Variants in NBEAL1 observed in about 807,000 individuals in gnomAD.
NBEAL1 encodes the protein neurobeachin like 1.
In NBEAL1, 273 loss-of-function variants were observed where a neutral mutation model predicts 351.3. That is an observed-to-expected ratio of 0.78 (90% confidence interval 0.70 to 0.86). NBEAL1 has a LOEUF of 0.86. Ranked by LOEUF, NBEAL1 falls within the 40% of genes least tolerant of loss-of-function variation. NBEAL1 has a pLI of 0.00. For synonymous variants in NBEAL1, 1,050 were observed against 1,086.4 expected (o/e 0.97, Z 0.66); for missense variants, 2,961 against 3,201.3 (o/e 0.92, Z 1.81).
intron 36 of NBEAL1, among the ~76,000 whole-genome samples, chr2:203,159,722 A>G (rs181417847): frequency 3.9e-5 from 6 of 152,264 alleles, no homozygotes; most frequent in East Asian, 3.9e-4. Flanking sequence ...TTGTGCAAAC[A>G]TAAGTTTTTT....
chr2:203,103,432 T>G (rs1182962967), intron 12 of NBEAL1, among the ~76,000 whole-genome samples: 3 of 151,970 alleles, frequency 2.0e-5, no homozygotes, highest in Admixed American at 6.6e-5. Context: ...CCACCATGCT[T>G]GGCTAATTTT....
chr2:203,043,632 G>A (rs1347527742), intron 3 of NBEAL1, among the ~76,000 whole-genome samples: 1 of 151,944 alleles, frequency 6.6e-6, no homozygotes, highest in African/African-American at 2.4e-5. Flanking sequence ...GGGAGGCGGA[G>A]GTGGGAGGAT....
intron 25 of NBEAL1, among the ~76,000 whole-genome samples, chr2:203,131,052 A>T (rs1575015465): frequency 1.3e-5 from 2 of 152,218 alleles, no homozygotes; most frequent in African/African-American, 4.8e-5. Flanking sequence ...ACTGACACAC[A>T]TTTGTTCTTG....
intron 14 of NBEAL1, among the ~76,000 whole-genome samples, chr2:203,109,464 A>G (rs2062512734): frequency 6.6e-6 from 1 of 152,212 alleles, no homozygotes. Flanking sequence ...GAAGGAACAG[A>G]AGACCTATGT....
At chr2:203,094,909 G>A (rs1279151438) in intron 10 of NBEAL1, among the ~76,000 whole-genome samples, 2 of 152,124 alleles carry the variant, frequency 1.3e-5, no homozygotes, top group African/African-American at 2.4e-5. Flanking sequence ...ATCATCTGAG[G>A]TCGGGAGTTC....
intron 7 of NBEAL1, among the ~76,000 whole-genome samples, chr2:203,074,224 T>G (rs1411278365): frequency 6.6e-6 from 1 of 152,100 alleles, no homozygotes; most frequent in African/African-American, 2.4e-5. Flanking sequence ...TTTGTATTTG[T>G]CAATTAAAAA....
At position 203,135,774 on chromosome 2, in the gene NBEAL1, A is replaced by T; in HGVS notation, c.3911A>T (p.Lys1304Ile). 6.2e-7 allele frequency: 1 copy of T among 1,607,180 alleles called. No homozygotes were observed. Among genetic ancestry groups the T allele is most frequent in the Non-Finnish European group, 8.5e-7 (1 of 1,176,394 alleles). Residue 1304 changes from lysine to isoleucine, a missense_variant, in exon 28 of 56, where the codon AAA (lysine) becomes ATA (isoleucine). Physicochemically the swap from Lys to Ile is moderately radical, Grantham distance 102. Coordinates refer to ENST00000683969, the MANE Select transcript of NBEAL1 (RefSeq NM_001378026.1). ...DTLVRLFLKA[K>I]FENGNTLHKH... Reference sequence around the variant, plus strand: ...TTAGTTAGGCTTTTTTTAAAAGCAAAATTTGAAAACGGAAATACTCTTCAT... The same window carrying T: ...TTAGTTAGGCTTTTTTTAAAAGCAATATTTGAAAACGGAAATACTCTTCAT...
intron 31 of NBEAL1, among the ~76,000 whole-genome samples, chr2:203,141,360 ATTATTATTTTTTTT>A (rs1272058118): frequency 4.4e-4 from 6 of 13,632 alleles, no homozygotes; most frequent in Non-Finnish European, 1.1e-3. Context: ...TATTATTATT[ATTATTATTTTTTTT>A]TTTTTTTTTT....
chr2:203,068,385 A>T lies in NBEAL1; in HGVS notation c.516-8A>T. The T allele has an allele frequency of 6.8e-7, 1 of 1,472,818 alleles. No homozygotes were observed. The highest frequency in any genetic ancestry group is 9.1e-7 in the Non-Finnish European group (1 of 1,094,846). 91.2% of individuals were successfully genotyped at this position (1,472,818 alleles called of 1,614,324 possible). A position where few individuals can be genotyped will look rare whatever the true frequency, so the allele number is the denominator to read the frequency against. ...TGTAACTTATTATTAACTTCTTTTT[A>T]ATGATAGACGAATCCTTAGTACTGT... is the stretch of plus-strand genomic sequence containing the variant. On this transcript the variant is annotated splice_polypyrimidine_tract_variant and splice_region_variant and intron_variant, in intron 6 of 55. Coordinates refer to ENST00000683969, the MANE Select transcript of NBEAL1 (RefSeq NM_001378026.1).
chr2:203,183,197 A>G, intron 43 of NBEAL1, 82 bp from the exon 44 acceptor site: 1 of 683,240 alleles, frequency 1.5e-6, no homozygotes, highest in South Asian at 2.3e-5. Context: ...TTTGCTTAGG[A>G]ATGTGCCCTC....
At chr2:203,130,007 C>G (rs2063037298) in intron 24 of NBEAL1, among the ~76,000 whole-genome samples, 1 of 152,008 alleles carries the variant, frequency 6.6e-6, no homozygotes, top group African/African-American at 2.4e-5. Context: ...ACCAGAAATA[C>G]AGAAAATCAG....
At position 203,056,463 on chromosome 2, in the gene NBEAL1, G is replaced by A. The variant is rs959168968; in HGVS notation, c.342G>A (p.Ser114=). ...LSNVEEIGTC[S]YINYVITMTT... The stretch of plus-strand genomic sequence containing the variant: ...ATGTGGAAGAAATTGGGACTTGCTC[G>A]TACATTAATTATGTCATCACCATGA... The change falls in exon 5 of 56, where the codon TCG becomes TCA. Residue 114 remains serine, a synonymous_variant. Transcript: ENST00000683969. The A allele has an allele frequency of 2.1e-5, 32 of 1,550,602 alleles. No individual in the cohort carries two copies. Among genetic ancestry groups the A allele is most frequent in the South Asian group, 1.4e-4 (12 of 84,278 alleles).
At chr2:203,119,551 G>C (rs2062783193) in intron 18 of NBEAL1, among the ~76,000 whole-genome samples, 1 of 148,888 alleles carries the variant, frequency 6.7e-6, no homozygotes, top group South Asian at 2.2e-4. Flanking sequence ...TCAGCCTCCT[G>C]AGTAGCTGGG....
intron 33 of NBEAL1, 140 bp from the exon 34 acceptor site, chr2:203,148,851 A>T (rs2063575735): frequency 3.8e-6 from 2 of 529,306 alleles, no homozygotes; most frequent in Non-Finnish European, 6.2e-6. Flanking sequence ...CTAATGGAAT[A>T]AGAAAAGCCT....
At position 203,202,714 on chromosome 2, in the gene NBEAL1, A is replaced by G; in HGVS notation, c.7439A>G (p.Tyr2480Cys). 6.3e-7 allele frequency: 1 copy of G among 1,597,806 alleles called. No homozygotes were observed. Among genetic ancestry groups the G allele is most frequent in the Non-Finnish European group, 8.6e-7 (1 of 1,165,550 alleles). ...ATTGTGACTTGCTTAGCTACAGATT[A>G]CTGTGGAATACATTTGATTTCTGGT... The part of the protein sequence containing the change: ...MDIVTCLATD[Y>C]CGIHLISGSR... Residue 2480 changes from tyrosine to cysteine, a missense_variant, in exon 51 of 56, where the codon TAC becomes TGC. Physicochemically the swap from Tyr to Cys is radical, Grantham distance 194. Coordinates refer to ENST00000683969, the MANE Select transcript of NBEAL1 (RefSeq NM_001378026.1).
At chr2:203,107,123 C>T (rs2062456265) in intron 12 of NBEAL1, among the ~76,000 whole-genome samples, 1 of 151,992 alleles carries the variant, frequency 6.6e-6, no homozygotes, top group African/African-American at 2.4e-5. Context: ...GAAGAAAATA[C>T]AAGAATTGTC....
chr2:203,208,124 A>C (rs948374077), intron 51 of NBEAL1, among the ~76,000 whole-genome samples: 1 of 152,102 alleles, frequency 6.6e-6, no homozygotes, highest in Non-Finnish European at 1.5e-5. Flanking sequence ...CTCTACAAAA[A>C]AATGTTAAAA....
chr2:203,203,113 C>T (rs1358146971), intron 51 of NBEAL1, among the ~76,000 whole-genome samples: 1 of 152,048 alleles, frequency 6.6e-6, no homozygotes, highest in African/African-American at 2.4e-5. Flanking sequence ...TTTTCATCAA[C>T]CTGATTGCAT....
At chr2:203,131,903 C>A in intron 25 of NBEAL1, 70 bp from the exon 26 acceptor site, 1 of 1,130,778 alleles carries the variant, frequency 8.8e-7, no homozygotes, top group Non-Finnish European at 1.2e-6. Flanking sequence ...AATAAGTTAA[C>A]ATTTTTAATG....
Sources: allele counts gnomAD v4.1 joint callset (sites outside exome capture counted in the v4.1 genomes callset), GRCh38; gene constraint gnomAD v4.1.1; transcripts MANE v1.5; gene names NCBI Gene and HGNC (gene_info 2026-07-23, HGNC 2026-07-21).